Variants in EIF4E observed in about 807,000 individuals in gnomAD.
The protein encoded by EIF4E is eukaryotic translation initiation factor 4E.
For missense variants in EIF4E, 113 were observed against 265.6 expected (o/e 0.43, Z 3.99); for synonymous variants, 71 against 88.5 (o/e 0.80, Z 1.11).
At chr4:98,900,589 A>G (rs900541899) in intron 2 of EIF4E, among the ~76,000 whole-genome samples, 1 of 152,200 alleles carries the variant, frequency 6.6e-6, no homozygotes, top group African/African-American at 2.4e-5. Context: ...AAGACAAGAA[A>G]TGAACTGAAA....
At position 98,908,984 on chromosome 4, in the gene EIF4E, T is replaced by C. The variant is rs1264949761; in HGVS notation, c.19-7002A>G. Among the ~76,000 whole-genome samples, 3 of 152,240 alleles carry C rather than the reference T, an allele frequency of 2.0e-5. 1 individual carries two copies. Among genetic ancestry groups the C allele is most frequent in the African/African-American group, 7.2e-5 (3 of 41,464 alleles). ...AGGACTGAATAATAAATTATATGGT[T>C]ACAAAGATTCTCTTTCTAGGCAACA... On this transcript the variant is annotated intron_variant, in intron 1 of 6. Coordinates refer to ENST00000450253, the MANE Select transcript of EIF4E (RefSeq NM_001968.5).
intron 2 of EIF4E, among the ~76,000 whole-genome samples, chr4:98,892,970 G>A (rs943600049): frequency 6.6e-6 from 1 of 151,728 alleles, no homozygotes. Context: ...ATTATATATA[G>A]AGGCATACCT....
chr4:98,909,564 T>C (rs1168783623), intron 1 of EIF4E: 4 of 663,822 alleles, frequency 6.0e-6, no homozygotes, highest in Non-Finnish European at 1.1e-5. Flanking sequence ...CTGAATCCAG[T>C]ACTAAATGTT....
chr4:98,914,792 G>A (rs796425251), intron 1 of EIF4E, among the ~76,000 whole-genome samples: 6 of 152,184 alleles, frequency 3.9e-5, no homozygotes, highest in African/African-American at 9.6e-5. Flanking sequence ...TGACAATAAC[G>A]TCAATTTAGG....
chr4:98,886,861 T>C (rs1208926844), intron 5 of EIF4E: 1 of 512,472 alleles, frequency 2.0e-6, no homozygotes, highest in African/African-American at 1.9e-5. Flanking sequence ...GAGAGTCAAC[T>C]GCCAATCACT....
At chr4:98,883,224 A>G (rs1378270481) in intron 6 of EIF4E, among the ~76,000 whole-genome samples, 5 of 152,116 alleles carry the variant, frequency 3.3e-5, no homozygotes, top group Admixed American at 1.3e-4. Context: ...GTGAGCTGAC[A>G]TCGCGCTACT....
At chr4:98,897,047 A>C (rs930976840) in intron 2 of EIF4E, among the ~76,000 whole-genome samples, 5 of 152,214 alleles carry the variant, frequency 3.3e-5, no homozygotes, top group Non-Finnish European at 2.9e-5. Context: ...GCAGTTCTCA[A>C]AATGTGGTCT....
In EIF4E at chr4:98,923,859, A is replaced by G. The variant is rs1725757750; in HGVS notation, c.18+5236T>C. Among the ~76,000 whole-genome samples the G allele has an allele frequency of 1.3e-5, 2 of 152,240 alleles. 1 individual carries two copies. Among genetic ancestry groups the G allele is most frequent in the Non-Finnish European group, 2.9e-5 (2 of 68,044 alleles). ...TGGAATGTCAACTTTAGTCCCTTACAGTTGACAAACTGTCACCTTTGAATA... is the reference window on the plus strand; with the variant it reads ...TGGAATGTCAACTTTAGTCCCTTACGGTTGACAAACTGTCACCTTTGAATA... On this transcript the variant is annotated intron_variant, in intron 1 of 6. Coordinates refer to ENST00000450253, the MANE Select transcript of EIF4E (RefSeq NM_001968.5).
At chr4:98,898,073 C>G (rs915117701) in intron 2 of EIF4E, among the ~76,000 whole-genome samples, 1 of 151,946 alleles carries the variant, frequency 6.6e-6, no homozygotes, top group African/African-American at 2.4e-5. Flanking sequence ...CAACTAGCCT[C>G]TAAGAAACCT....
Position 98,929,117 on chromosome 4 carries a change from G to C in EIF4E, c.-5C>G, listed in dbSNP as rs1453653136. 1.3e-6 allele frequency: 2 copies of C among 1,571,220 alleles called. No individual in the cohort carries two copies. The highest frequency in any genetic ancestry group is 1.7e-6 in the Non-Finnish European group (2 of 1,157,774). On this transcript the variant is annotated 5_prime_UTR_variant, in exon 1 of 7. The change creates a new upstream start codon in the 5' untranslated region. Transcript: ENST00000450253. ...CACCGGTTCGACAGTCGCCATCTTA[G>C]ATCGATCTGATCGCACAACCGCTCC...
At chr4:98,928,119 T>C (rs977502872) in intron 1 of EIF4E, among the ~76,000 whole-genome samples, 1 of 152,174 alleles carries the variant, frequency 6.6e-6, no homozygotes, top group Non-Finnish European at 1.5e-5. Context: ...TTCCAGGAGA[T>C]AAAGACTCGG....
At chr4:98,920,172 C>T (rs1423102279) in intron 1 of EIF4E, among the ~76,000 whole-genome samples, 1 of 152,224 alleles carries the variant, frequency 6.6e-6, no homozygotes, top group African/African-American at 2.4e-5. Context: ...CCACATTAGA[C>T]AGAACTTAGC....
chr4:98,887,053 A>T lies in EIF4E; in HGVS notation c.399+26T>A. The T allele has an allele frequency of 6.2e-7, 1 of 1,608,240 alleles. No individual in the cohort carries two copies. Among genetic ancestry groups the T allele is most frequent in the East Asian group, 2.2e-5 (1 of 44,814 alleles). Reference sequence around the variant, plus strand: ...TCAGTATTCCAAAACTACCTCTAAAACTGCTTTATACTTTTAAAACCTTAC... The same window carrying T: ...TCAGTATTCCAAAACTACCTCTAAATCTGCTTTATACTTTTAAAACCTTAC... On this transcript the variant is annotated intron_variant, in intron 5 of 6. Transcript: ENST00000450253. This position sits in a 1 kb window ranked among gnomAD's most constrained non-coding sequence, Gnocchi z 4.0.
intron 2 of EIF4E, among the ~76,000 whole-genome samples, chr4:98,896,195 CAATAA>C (rs374560295): frequency 8.9e-5 from 12 of 134,970 alleles, no homozygotes; most frequent in Admixed American, 2.8e-4. Flanking sequence ...GCTCCATCTC[CAATAA>C]AATAAAATAA....
chr4:98,922,416 C>T (rs1483441742), intron 1 of EIF4E, among the ~76,000 whole-genome samples: 2 of 151,924 alleles, frequency 1.3e-5, no homozygotes, highest in African/African-American at 2.4e-5. Context: ...ATTAGCCGGG[C>T]GTGGTGGCAC....
Position 98,928,933 on chromosome 4 carries a change from G to A in EIF4E, c.18+162C>T, listed in dbSNP as rs111394750. 4.4e-6 allele frequency: 7 copies of A among 1,575,464 alleles called. No individual in the cohort carries two copies. In the Admixed American group the frequency reaches 7.4e-5, roughly 17 times the overall value. On this transcript the variant is annotated intron_variant, in intron 1 of 6. Coordinates refer to ENST00000450253, the MANE Select transcript of EIF4E (RefSeq NM_001968.5). ...CTACACGCCGCCTCGGCCATCCTCCGGGACGTCCCCACTTGTCCGCGGGAG... is the reference window on the plus strand; with the variant it reads ...CTACACGCCGCCTCGGCCATCCTCCAGGACGTCCCCACTTGTCCGCGGGAG...
chr4:98,909,102 T>TA (rs1560647488), intron 1 of EIF4E, among the ~76,000 whole-genome samples: 5 of 151,912 alleles, frequency 3.3e-5, no homozygotes, highest in African/African-American at 9.7e-5. Flanking sequence ...AATAAACTAG[T>TA]AAAAAAGGCA....
At chr4:98,906,143 A>G (rs1724863436) in intron 1 of EIF4E, among the ~76,000 whole-genome samples, 1 of 152,236 alleles carries the variant, frequency 6.6e-6, no homozygotes, top group African/African-American at 2.4e-5. Context: ...CTTTCCCCTC[A>G]GAATACCCCA....
intron 3 of EIF4E, among the ~76,000 whole-genome samples, chr4:98,889,841 G>T (rs1046200355): frequency 3.3e-5 from 5 of 151,928 alleles, no homozygotes; most frequent in Non-Finnish European, 5.9e-5. Context: ...CTTTTTTTTG[G>T]GGGGTGCAGA....
Sources: gnomAD v4.1 joint callset for allele counts (sites outside exome capture counted in the v4.1 genomes callset) on GRCh38, gnomAD v4.1.1 for gene constraint, Gnocchi (gnomAD v3.1) non-coding constraint, MANE v1.5 for transcripts, NCBI Gene and HGNC (gene_info 2026-07-23, HGNC 2026-07-21) for gene names.